The following ANKRD17 variants were observed in gnomAD, a reference collection of about 807,000 sequenced individuals.
ANKRD17 encodes the protein ankyrin repeat domain 17, also known as ankyrin repeat domain-containing protein 17.
ANKRD17 carries 19 observed loss-of-function variants against 229.7 expected under a neutral mutation model. That is an observed-to-expected ratio of 0.08 (90% CI 0.06 to 0.12). The LOEUF (loss-of-function observed/expected upper bound fraction) is 0.12. ANKRD17 is among the 10% of genes least tolerant of loss of function. The pLI, the probability that ANKRD17 is intolerant of heterozygous loss-of-function variation, is 1.00. For synonymous variants in ANKRD17, 1,112 were observed against 1,146.1 expected, an observed-to-expected ratio of 0.97 and a Z score of 0.60; for missense variants, 2,176 against 3,176.8, an observed-to-expected ratio of 0.68 and a Z score of 7.57.
At chr4:73,143,381 T>C (rs886458956) in intron 11 of ANKRD17, among the ~76,000 whole-genome samples, 2 of 152,164 alleles carry the variant, frequency 1.3e-5, no homozygotes, top group Admixed American at 6.5e-5. Flanking sequence ...CCTCCCACCT[T>C]GGCCTGCCAA....
At chr4:73,197,289 A>G (rs752661647) in intron 1 of ANKRD17, among the ~76,000 whole-genome samples, 6 of 152,240 alleles carry the variant, frequency 3.9e-5, no homozygotes, top group Non-Finnish European at 8.8e-5. Context: ...TGATGTTTAC[A>G]GCAATACAGA....
chr4:73,196,374 T>C (rs2149087897), intron 1 of ANKRD17, among the ~76,000 whole-genome samples: 1 of 152,334 alleles, frequency 6.6e-6, no homozygotes, highest in Middle Eastern at 3.4e-3. Context: ...TGGTTCAATT[T>C]GCTCTTCTAG....
At chr4:73,203,009 A>T (rs1189668044) in intron 1 of ANKRD17, among the ~76,000 whole-genome samples, 1 of 152,236 alleles carries the variant, frequency 6.6e-6, no homozygotes, top group Admixed American at 6.5e-5. Flanking sequence ...TTGAAATAAA[A>T]ATTCACTGGA....
intron 1 of ANKRD17, among the ~76,000 whole-genome samples, chr4:73,248,222 G>A (rs1744677545): frequency 6.6e-6 from 1 of 151,982 alleles, no homozygotes; most frequent in South Asian, 2.1e-4. Flanking sequence ...CGTACATACA[G>A]ACCTCATCTT....
At chr4:73,217,801 G>A (rs767274064) in intron 1 of ANKRD17, among the ~76,000 whole-genome samples, 14 of 152,054 alleles carry the variant, frequency 9.2e-5, no homozygotes, top group Non-Finnish European at 2.1e-4. Flanking sequence ...AACTACATTC[G>A]GACTATGTGT....
At chr4:73,156,832 C>G (rs1731727688) in intron 3 of ANKRD17, among the ~76,000 whole-genome samples, 1 of 152,150 alleles carries the variant, frequency 6.6e-6, no homozygotes, top group Non-Finnish European at 1.5e-5. Flanking sequence ...ATTATCCAGT[C>G]TCAGGTAGTT....
At chr4:73,231,667 T>C (rs1257010293) in intron 1 of ANKRD17, among the ~76,000 whole-genome samples, 2 of 152,170 alleles carry the variant, frequency 1.3e-5, no homozygotes, top group Non-Finnish European at 1.5e-5. Context: ...GCTTCCTATA[T>C]GCTAAGATTT....
chr4:73,224,230 C>T (rs539175836), intron 1 of ANKRD17, among the ~76,000 whole-genome samples: 3 of 152,060 alleles, frequency 2.0e-5, no homozygotes, highest in Admixed American at 1.3e-4. Flanking sequence ...GGCAACAGAG[C>T]GAGACTGTCT....
intron 1 of ANKRD17, among the ~76,000 whole-genome samples, chr4:73,252,943 C>A (rs928969497): frequency 3.3e-5 from 5 of 151,892 alleles, no homozygotes; most frequent in Admixed American, 2.6e-4. Context: ...AATGGCCGTC[C>A]AACTGCAAAA....
rs755803291 is a variant in ANKRD17, at chr4:73,124,937, C to T, written c.3468G>A (p.Leu1156=). The T allele has an allele frequency of 6.2e-7, 1 of 1,614,044 alleles. No homozygotes were observed. The highest frequency in any genetic ancestry group is 2.2e-5 in the East Asian group (1 of 44,880). The change falls in exon 18 of 34, where the codon TTG becomes TTA. Residue 1156 remains leucine (L), a synonymous_variant. Transcript: ENST00000358602. ...CCTCCTGTCTTCCCCCAGAACAAGCCAAGGAGAGTGGTGTGTCCTTGGTTC... is the reference window on the plus strand; with the variant it reads ...CCTCCTGTCTTCCCCCAGAACAAGCTAAGGAGAGTGGTGTGTCCTTGGTTC... ...SERTKDTPLS[L]ACSGGRQEVV...
At chr4:73,080,766 C>CT (rs1329393735) in intron 30 of ANKRD17, 1 of 152,176 alleles carries the variant, frequency 6.6e-6, no homozygotes, top group Non-Finnish European at 1.5e-5. Flanking sequence ...TTCCTGTATC[C>CT]TTCTAGAACC....
At chr4:73,252,635 C>A (rs909754459) in intron 1 of ANKRD17, among the ~76,000 whole-genome samples, 4 of 152,098 alleles carry the variant, frequency 2.6e-5, no homozygotes, top group African/African-American at 9.7e-5. Context: ...AGAGGATTCA[C>A]AGCCTAGCCA....
At chr4:73,227,102 T>A (rs1310314719) in intron 1 of ANKRD17, among the ~76,000 whole-genome samples, 1 of 152,218 alleles carries the variant, frequency 6.6e-6, no homozygotes, top group African/African-American at 2.4e-5. Flanking sequence ...AAGAGAAATT[T>A]ATACATATTT....
At chr4:73,242,977 G>GT (rs1371317431) in intron 1 of ANKRD17, among the ~76,000 whole-genome samples, 3 of 152,208 alleles carry the variant, frequency 2.0e-5, no homozygotes, top group Admixed American at 6.5e-5. Flanking sequence ...AAGAAGTGGT[G>GT]TAAGGGGAGA....
At chr4:73,184,191 G>A (rs545460144) in intron 1 of ANKRD17, among the ~76,000 whole-genome samples, 3 of 152,184 alleles carry the variant, frequency 2.0e-5, no homozygotes, top group South Asian at 2.1e-4. Flanking sequence ...AGAATGGTTC[G>A]TTCTGTAGTT....
intron 25 of ANKRD17, chr4:73,100,815 G>A: frequency 1.0e-6 from 1 of 980,904 alleles, no homozygotes; most frequent in African/African-American, 1.7e-5. Context: ...CTGGAGAAGG[G>A]AAATTAAAAA....
intron 1 of ANKRD17, 57 bp downstream of exon 1, chr4:73,258,219 C>T: frequency 6.2e-7 from 1 of 1,609,518 alleles, no homozygotes; most frequent in Middle Eastern, 1.7e-4. Context: ...CTCCCACCTT[C>T]GGCCCCTATC....
intron 1 of ANKRD17, among the ~76,000 whole-genome samples, chr4:73,252,301 G>C (rs993224357): frequency 2.6e-5 from 4 of 152,210 alleles, no homozygotes; most frequent in Non-Finnish European, 5.9e-5. Flanking sequence ...AGATATAAGA[G>C]AAAAGAGAGT....
At chr4:73,142,548 A>AT (rs1729745213) in intron 12 of ANKRD17, 92 bp downstream of exon 12, 1 of 1,596,784 alleles carries the variant, frequency 6.3e-7, no homozygotes, top group South Asian at 1.1e-5. Context: ...TTAGAATGCC[A>AT]TTATGAATGG....
Sources: allele counts gnomAD v4.1 joint callset (sites outside exome capture counted in the v4.1 genomes callset), GRCh38; gene constraint gnomAD v4.1.1; transcripts MANE v1.5; gene names NCBI Gene and HGNC (gene_info 2026-07-23, HGNC 2026-07-21).